The following CADPS variants were observed in gnomAD, a reference collection of about 807,000 sequenced individuals.
The protein encoded by CADPS is calcium dependent secretion activator.
A neutral mutation model predicts 167.3 loss-of-function variants in CADPS; 57 were observed. The observed-to-expected ratio is 0.34, with a 90% CI of 0.28 to 0.42. The LOEUF (loss-of-function observed/expected upper bound fraction) is 0.42, where lower values mean the gene tolerates loss of function less well. Among genes scored for constraint, CADPS ranks in the 20% least tolerant of loss-of-function variants. CADPS has a pLI of 1.00. For missense variants in CADPS, 1,414 were observed against 1,738.1 expected (o/e 0.81, Z 3.32); for synonymous variants, 676 against 635.3 (o/e 1.06, Z -0.96).
chr3:62,429,542 C>A (rs1319148336), intron 28 of CADPS, among the ~76,000 whole-genome samples: 1 of 152,074 alleles, frequency 6.6e-6, no homozygotes, highest in Non-Finnish European at 1.5e-5. Flanking sequence ...GAGGATTTAA[C>A]ACAGCTCGTC....
At chr3:62,812,294 A>T (rs2094427974) in intron 1 of CADPS, among the ~76,000 whole-genome samples, 1 of 152,164 alleles carries the variant, frequency 6.6e-6, no homozygotes, top group Non-Finnish European at 1.5e-5. Flanking sequence ...AATCAAGAAA[A>T]TGCCACTTTT....
intron 4 of CADPS, among the ~76,000 whole-genome samples, chr3:62,654,201 T>C (rs1467603922): frequency 6.6e-6 from 1 of 152,124 alleles, no homozygotes; most frequent in Non-Finnish European, 1.5e-5. Flanking sequence ...TGGAAAACAT[T>C]TACTGCCACA....
intron 1 of CADPS, among the ~76,000 whole-genome samples, chr3:62,873,537 C>T (rs2083022919): frequency 6.6e-6 from 1 of 152,000 alleles, no homozygotes; most frequent in Admixed American, 6.5e-5. Context: ...CTTCTGTCCC[C>T]ACCCCCCGCC....
chr3:62,468,787 A>G (rs1269756899), intron 24 of CADPS, among the ~76,000 whole-genome samples: 1 of 152,224 alleles, frequency 6.6e-6, no homozygotes, highest in Non-Finnish European at 1.5e-5. Flanking sequence ...TTCTGCTTAT[A>G]AAACAAAGTA....
chr3:62,422,804 T>C (rs1443910306), intron 28 of CADPS, among the ~76,000 whole-genome samples: 1 of 152,196 alleles, frequency 6.6e-6, no homozygotes. Context: ...CATTGAAAAC[T>C]TAGCTATGTA....
intron 2 of CADPS, among the ~76,000 whole-genome samples, chr3:62,763,543 A>T (rs1294836305): frequency 6.6e-6 from 1 of 151,946 alleles, no homozygotes; most frequent in Non-Finnish European, 1.5e-5. Flanking sequence ...CTTATAATCC[A>T]TAGAGTCCTG....
intron 3 of CADPS, among the ~76,000 whole-genome samples, chr3:62,724,934 T>G (rs1450997699): frequency 6.6e-6 from 1 of 152,224 alleles, no homozygotes; most frequent in Non-Finnish European, 1.5e-5. Flanking sequence ...CGGCTAATTC[T>G]TGACAGAGCC....
At chr3:62,744,596 T>C (rs1386027768) in intron 3 of CADPS, among the ~76,000 whole-genome samples, 1 of 152,238 alleles carries the variant, frequency 6.6e-6, no homozygotes. Flanking sequence ...TTATCATAGA[T>C]TTTGTTGTTT....
chr3:62,478,380 T>C lies in CADPS; in HGVS notation c.3210A>G (p.Lys1070=), dbSNP rs2061572681. 2 of 1,613,692 alleles carry C rather than the reference T, an allele frequency of 1.2e-6. No individual in the cohort carries two copies. The highest frequency in any genetic ancestry group is 2.2e-5 in the South Asian group (2 of 91,052). ...GAATGAAGGTCTGAAGGGCGTCAAG[T>C]TTCCAAAACAGATCTTCTGAGGTGC... ...GSGTSEDLFW[K]LDALQTFIRD... Residue 1070 remains lysine, a synonymous_variant, in exon 23 of 30, where the codon AAA becomes AAG. Coordinates refer to ENST00000383710, the MANE Select transcript of CADPS (RefSeq NM_003716.4). This position sits in a 1 kb window ranked among gnomAD's most constrained non-coding sequence, Gnocchi z 5.7.
In CADPS at chr3:62,799,551, G is replaced by A. The variant is rs1413976753; in HGVS notation, c.442-33567C>T. 2.7e-4 allele frequency among the ~76,000 whole-genome samples: 41 copies of A among 152,154 alleles called. 1 individual carries two copies. Among genetic ancestry groups the A allele is most frequent in the Admixed American group, 2.6e-3 (40 of 15,260 alleles). On this transcript the variant is annotated intron_variant, in intron 1 of 29. Transcript: ENST00000383710. The stretch of plus-strand genomic sequence containing the variant: ...ACATTTTGTCAAGCAGCAAGATAAT[G>A]TTAGGATTACAGGCACAAATTCTAG...
intron 5 of CADPS, among the ~76,000 whole-genome samples, chr3:62,649,541 G>GTTTTTTTTTTTTTTT (rs1212818484): frequency 2.7e-4 from 20 of 75,002 alleles, no homozygotes; most frequent in African/African-American, 9.6e-4. Context: ...ACAATATGTG[G>GTTTTTTTTTTTTTTT]TCTTTTTTTT....
At chr3:62,821,926 C>T (rs910691480) in intron 1 of CADPS, among the ~76,000 whole-genome samples, 1 of 152,126 alleles carries the variant, frequency 6.6e-6, no homozygotes, top group South Asian at 2.1e-4. Context: ...CTCTGTGGTT[C>T]TAGGAATGAG....
At chr3:62,786,412 CA>C (rs1449528757) in intron 1 of CADPS, among the ~76,000 whole-genome samples, 1 of 151,956 alleles carries the variant, frequency 6.6e-6, no homozygotes, top group Non-Finnish European at 1.5e-5. Flanking sequence ...GAGGCTGAGG[CA>C]GGGAGATTGC....
intron 10 of CADPS, among the ~76,000 whole-genome samples, chr3:62,554,694 C>G (rs1235696384): frequency 1.3e-5 from 2 of 152,144 alleles, no homozygotes; most frequent in African/African-American, 4.8e-5. Flanking sequence ...TCTGACCTCT[C>G]CCTACTTCTG....
intron 1 of CADPS, among the ~76,000 whole-genome samples, chr3:62,780,673 A>G (rs2091398170): frequency 6.6e-6 from 1 of 152,174 alleles, no homozygotes; most frequent in Non-Finnish European, 1.5e-5. Context: ...TGATCCCCCA[A>G]ATTATAGCAT....
intron 3 of CADPS, among the ~76,000 whole-genome samples, chr3:62,728,811 C>T (rs1302915500): frequency 2.0e-5 from 3 of 151,670 alleles, no homozygotes; most frequent in East Asian, 1.9e-4. Context: ...GACTTGGGGG[C>T]GGCGGAAAAC....
intron 28 of CADPS, among the ~76,000 whole-genome samples, chr3:62,407,258 T>A (rs953040256): frequency 1.3e-5 from 2 of 152,064 alleles, no homozygotes; most frequent in Admixed American, 6.6e-5. Context: ...AGTCATGTGG[T>A]GGTGAAGAAA....
intron 8 of CADPS, among the ~76,000 whole-genome samples, chr3:62,578,350 C>T (rs111392107): frequency 0.037 from 5,596 of 151,996 alleles, 250 homozygotes; most frequent in African/African-American, 0.1. Flanking sequence ...GTGGCTCACG[C>T]CTGTAATCCC....
At chr3:62,483,568 T>C (rs191345049) in intron 21 of CADPS, among the ~76,000 whole-genome samples, 1 of 152,332 alleles carries the variant, frequency 6.6e-6, no homozygotes, top group Admixed American at 6.5e-5. Flanking sequence ...AGGTGTCTCA[T>C]AAATTTGTCC....
Sources: gnomAD v4.1 joint callset for allele counts (sites outside exome capture counted in the v4.1 genomes callset) on GRCh38, gnomAD v4.1.1 for gene constraint, Gnocchi (gnomAD v3.1) non-coding constraint, MANE v1.5 for transcripts, NCBI Gene and HGNC (gene_info 2026-07-23, HGNC 2026-07-21) for gene names.